HDAC9: variants seen among roughly 807,000 people sequenced by gnomAD.
The protein encoded by HDAC9 is MEF-2 interacting transcription repressor (MITR) protein.
A neutral mutation model predicts 139.4 loss-of-function variants in HDAC9; 41 were observed. That is an observed-to-expected ratio of 0.29 (90% confidence interval 0.23 to 0.38). The LOEUF is 0.38. HDAC9 is among the 10% of genes least tolerant of loss of function. The pLI, the probability that HDAC9 is intolerant of heterozygous loss-of-function variation, is 1.00. For synonymous variants in HDAC9, 517 were observed against 476.2 expected (o/e 1.09, Z -1.12); for missense variants, 1,147 against 1,297.0 (o/e 0.88, Z 1.78).
chr7:18,932,848 A>AAAAAGAAAGAAAGAAAGAAAG (rs1554405267), intron 22 of HDAC9, among the ~76,000 whole-genome samples: 1 of 138,204 alleles, frequency 7.2e-6, no homozygotes, highest in Non-Finnish European at 1.5e-5. Flanking sequence ...AGGAAGGAAA[A>AAAAAGAAAGAAAGAAAGAAAG]AAAGAAAGAA....
At chr7:18,444,514 A>C (rs1043761666) in intron 1 of HDAC9, among the ~76,000 whole-genome samples, 1 of 152,066 alleles carries the variant, frequency 6.6e-6, no homozygotes, top group African/African-American at 2.4e-5. Context: ...TGTATATCCC[A>C]TACTCATCTT....
intron 13 of HDAC9, among the ~76,000 whole-genome samples, chr7:18,730,651 T>A (rs1322882250): frequency 6.6e-6 from 1 of 152,200 alleles, no homozygotes; most frequent in Non-Finnish European, 1.5e-5. Context: ...CCATCTTAAC[T>A]AAGCACTTTT....
intron 1 of HDAC9, among the ~76,000 whole-genome samples, chr7:18,126,432 C>A (rs1784677854): frequency 6.6e-6 from 1 of 152,098 alleles, no homozygotes; most frequent in Non-Finnish European, 1.5e-5. Context: ...GAGCCTTATC[C>A]TTTCCTGCAA....
In HDAC9 at chr7:18,215,236, C is replaced by T. The variant is rs112597780; in HGVS notation, c.25+52887C>T. 7.5e-3 allele frequency among the ~76,000 whole-genome samples: 1,149 copies of T among 152,188 alleles called. 14 individuals carry two copies. The highest frequency in any genetic ancestry group is 0.026 in the African/African-American group (1,081 of 41,556). On this transcript the variant is annotated intron_variant, in intron 2 of 12. Coordinates refer to the HDAC9 transcript ENST00000417496. ...CTAGATTTGAATATGAAATCTGATA[C>T]CTCCGTGGGCCAGTCGAAAAAAGCA...
chr7:18,552,688 C>T (rs552933418), intron 2 of HDAC9, among the ~76,000 whole-genome samples: 1 of 152,228 alleles, frequency 6.6e-6, no homozygotes, highest in South Asian at 2.1e-4. Context: ...CATTCTTTGC[C>T]ACAATGTATA....
intron 2 of HDAC9, among the ~76,000 whole-genome samples, chr7:18,273,560 A>C (rs966360181): frequency 2.0e-4 from 31 of 152,200 alleles, no homozygotes; most frequent in African/African-American, 7.2e-4. Context: ...TTACCTCATG[A>C]AAGCACAAAA....
intron 1 of HDAC9, among the ~76,000 whole-genome samples, chr7:18,463,859 T>G (rs1256764749): frequency 2.6e-5 from 4 of 151,920 alleles, no homozygotes; most frequent in Admixed American, 1.3e-4. Context: ...AACCCACAGA[T>G]GTTATCTGTT....
intron 1 of HDAC9, among the ~76,000 whole-genome samples, chr7:18,366,570 A>G (rs112666346): frequency 1.3e-5 from 2 of 152,260 alleles, no homozygotes; most frequent in Non-Finnish European, 2.9e-5. Flanking sequence ...ATAAAAGAGC[A>G]CAGCTGAGAG....
At chr7:18,672,849 T>C (rs1795746145) in intron 12 of HDAC9, among the ~76,000 whole-genome samples, 1 of 152,052 alleles carries the variant, frequency 6.6e-6, no homozygotes, top group African/African-American at 2.4e-5. Flanking sequence ...TATGAGTTGA[T>C]GCAAAAGTAA....
Position 18,745,704 on chromosome 7 carries a change from G to A in HDAC9, c.1910-3301G>A, listed in dbSNP as rs1419243148. Among the ~76,000 whole-genome samples the A allele has an allele frequency of 6.6e-5, 10 of 150,648 alleles. No homozygotes were observed. In the East Asian group the frequency reaches 2.0e-3, roughly 30 times the overall value. ...TGGGACTACAGGCGCCCGCCACCAC[G>A]CCTGGCTAATTTTTTGTATTTTTAG... On this transcript the variant is annotated intron_variant, in intron 13 of 25. Coordinates refer to ENST00000686413, the MANE Select transcript of HDAC9 (RefSeq NM_178425.4).
At chr7:18,917,372 T>G (rs1208663359) in intron 22 of HDAC9, among the ~76,000 whole-genome samples, 1 of 151,994 alleles carries the variant, frequency 6.6e-6, no homozygotes. Flanking sequence ...TATTGGTTGA[T>G]GTGCCAAGAA....
chr7:18,602,301 CCT>C (rs1466453681), intron 6 of HDAC9, among the ~76,000 whole-genome samples: 2 of 151,788 alleles, frequency 1.3e-5, no homozygotes, highest in Non-Finnish European at 2.9e-5. Flanking sequence ...AGTTATGACC[CCT>C]CTTTCATTTC....
intron 21 of HDAC9, among the ~76,000 whole-genome samples, chr7:18,837,127 T>A (rs1796290264): frequency 6.6e-6 from 1 of 151,678 alleles, no homozygotes; most frequent in South Asian, 2.1e-4. Context: ...ATTTAAAAAA[T>A]ACATTTAAAA....
At chr7:18,931,433 T>A (rs1258581818) in intron 22 of HDAC9, among the ~76,000 whole-genome samples, 1 of 152,210 alleles carries the variant, frequency 6.6e-6, no homozygotes, top group Non-Finnish European at 1.5e-5. Flanking sequence ...AACTAATTTT[T>A]AAATCCTTTT....
chr7:18,644,871 G>A (rs1479677861), intron 9 of HDAC9, 78 bp downstream of exon 9: 11 of 1,427,708 alleles, frequency 7.7e-6, no homozygotes, highest in Middle Eastern at 3.7e-4. Context: ...CGTGTTTTAT[G>A]TATTTAGACT....
In HDAC9 at chr7:18,648,123, T is replaced by C. The variant is rs574841771; in HGVS notation, c.1249+125T>C. On this transcript the variant is annotated intron_variant, in intron 10 of 25. Coordinates refer to ENST00000686413, the MANE Select transcript of HDAC9 (RefSeq NM_178425.4). Reference sequence around the variant, plus strand: ...CAGTGCTATACAAAAGTTTCCCTGATACCTGGTACTGTGGGAAAGGCTATC... The same window carrying C: ...CAGTGCTATACAAAAGTTTCCCTGACACCTGGTACTGTGGGAAAGGCTATC... The C allele has an allele frequency of 1.6e-5, 12 of 733,176 alleles. No homozygotes were observed. In the East Asian group the frequency reaches 3.0e-4, roughly 18 times the overall value. The allele number at this position is 733,176 out of a possible 1,614,324, so 45.4% of individuals were successfully genotyped here. A position where few individuals can be genotyped will look rare whatever the true frequency, so the allele number is the denominator to read the frequency against.
chr7:18,714,046 T>C (rs1432328144), intron 12 of HDAC9, among the ~76,000 whole-genome samples: 1 of 152,186 alleles, frequency 6.6e-6, no homozygotes, highest in East Asian at 1.9e-4. Flanking sequence ...AACCACTTAT[T>C]CTGGAAGAAA....
chr7:18,680,466 A>G (rs552024304), intron 12 of HDAC9, among the ~76,000 whole-genome samples: 1 of 152,118 alleles, frequency 6.6e-6, no homozygotes, highest in East Asian at 1.9e-4. Context: ...CTTGATGGGC[A>G]GAGGTGTTTC....
intron 22 of HDAC9, among the ~76,000 whole-genome samples, chr7:18,933,146 A>T (rs1004140437): frequency 6.6e-6 from 1 of 152,176 alleles, no homozygotes; most frequent in Non-Finnish European, 1.5e-5. Flanking sequence ...CTGATAGCTT[A>T]TAAACAACAG....
Sources: allele counts gnomAD v4.1 joint callset (sites outside exome capture counted in the v4.1 genomes callset), GRCh38; gene constraint gnomAD v4.1.1; transcripts MANE v1.5; gene names NCBI Gene and HGNC (gene_info 2026-07-23, HGNC 2026-07-21).